The following CFAP99 variants were observed in gnomAD, a reference collection of about 807,000 sequenced individuals.
The protein encoded by CFAP99 is cilia and flagella associated protein 99.
In CFAP99, 84 loss-of-function variants were observed where a neutral mutation model predicts 82.7. The ratio of observed to expected loss-of-function variants is 1.02; its 90% CI spans 0.85 to 1.22. CFAP99 has a LOEUF of 1.22. Ranked by LOEUF, CFAP99 falls within the 50% of genes most tolerant of loss-of-function variation. The pLI, the probability that CFAP99 is intolerant of heterozygous loss-of-function variation, is 0.00. For missense variants in CFAP99, 1,059 were observed against 983.5 expected (o/e 1.08, Z -1.03); for synonymous variants, 456 against 429.5 (o/e 1.06, Z -0.76).
chr4:2,449,645 G>C, intron 6 of CFAP99, 25 bp from the exon 7 acceptor site: 2 of 1,534,984 alleles, frequency 1.3e-6, no homozygotes, highest in Non-Finnish European at 1.7e-6. Flanking sequence ...CTGACCATAG[G>C]CTCTTCCTCC....
In CFAP99 at chr4:2,438,173, C is replaced by T. The variant is rs7660914; in HGVS notation, c.351+9C>T. On this transcript the variant is annotated intron_variant, in intron 4 of 14. Transcript: ENST00000635017. ...TGGATAAGATGTGCAAGGTGAGCCA[C>T]CCCTACCTGCCCACCAGGCCACGAG... is the stretch of plus-strand genomic sequence containing the variant. 6.6e-7 allele frequency: 1 copy of T among 1,515,606 alleles called. No homozygotes were observed. The allele number at this position is 1,515,606 out of a possible 1,614,324, so 93.9% of individuals were successfully genotyped here.
Position 2,462,676 on chromosome 4 carries a change from G to A in CFAP99, c.1895G>A (p.Arg632His). Reference sequence around the variant, plus strand: ...GCCGGGTGGGGATGGCGGGCGCGGCGCGCAGGGACCGGCGTCCCGGGGCGG... The same window carrying A: ...GCCGGGTGGGGATGGCGGGCGCGGCACGCAGGGACCGGCGTCCCGGGGCGG... Residue 632 changes from arginine (R) to histidine (H), a missense_variant, in exon 15 of 15, where the codon CGC (arginine) becomes CAC (histidine). Physicochemically the swap from Arg to His is conservative, Grantham distance 29. Transcript: ENST00000635017. The surrounding 1 kb of genome is among the most constrained non-coding windows in gnomAD (Gnocchi z 4.1). The A allele has an allele frequency of 7.9e-7, 1 of 1,262,254 alleles. No homozygotes were observed. The highest frequency in any genetic ancestry group is 9.9e-7 in the Non-Finnish European group (1 of 1,005,142). 78.2% of individuals were successfully genotyped at this position (1,262,254 alleles called of 1,614,324 possible).
intron 4 of CFAP99, among the ~76,000 whole-genome samples, chr4:2,441,965 G>A (rs1244317385): frequency 6.6e-6 from 1 of 152,192 alleles, no homozygotes; most frequent in African/African-American, 2.4e-5. Context: ...GGGGGCTGAT[G>A]GCCCCACAGC....
chr4:2,455,244 T>G (rs536709485), intron 11 of CFAP99, among the ~76,000 whole-genome samples: 3 of 152,390 alleles, frequency 2.0e-5, no homozygotes, highest in East Asian at 3.9e-4. Flanking sequence ...TATAATAGAT[T>G]GTTGCAGATT....
chr4:2,421,072 T>C (rs1463531124), intron 1 of CFAP99, among the ~76,000 whole-genome samples: 2 of 152,212 alleles, frequency 1.3e-5, no homozygotes, highest in East Asian at 3.8e-4. Context: ...GTAGTGGAGA[T>C]TGAAAAGCAA....
intron 11 of CFAP99, among the ~76,000 whole-genome samples, chr4:2,457,523 C>T (rs1206360452): frequency 6.6e-6 from 1 of 152,150 alleles, no homozygotes. Context: ...CTGCCCCTGG[C>T]CCCTGAGTGA....
intron 11 of CFAP99, 111 bp downstream of exon 11, chr4:2,452,457 T>G (rs973210121): frequency 8.9e-7 from 1 of 1,126,322 alleles, no homozygotes; most frequent in East Asian, 2.6e-5. Flanking sequence ...AGCGCCCCCG[T>G]AGAAGCTACT....
chr4:2,428,626 G>GC (rs1560377502), intron 2 of CFAP99: 1 of 151,598 alleles, frequency 6.6e-6, no homozygotes, highest in African/African-American at 2.4e-5. Flanking sequence ...AGCTGACCCC[G>GC]CCCCCAGCTC....
Position 2,431,970 on chromosome 4 carries a change from G to A in CFAP99, c.112-4904G>A, listed in dbSNP as rs116579329. On this transcript the variant is annotated intron_variant, in intron 2 of 14. Transcript: ENST00000635017. ...TATTTCACTTTGAACCATCTGTTCGGACCGGTGTCTGTTAGGAAACTGTGT... is the reference window on the plus strand; with the variant it reads ...TATTTCACTTTGAACCATCTGTTCGAACCGGTGTCTGTTAGGAAACTGTGT... Among the ~76,000 whole-genome samples, 795 of 152,274 alleles carry A rather than the reference G, an allele frequency of 5.2e-3. 6 individuals carry two copies. The highest frequency in any genetic ancestry group is 0.018 in the African/African-American group (758 of 41,554).
At chr4:2,441,512 T>G (rs1051494990) in intron 4 of CFAP99, among the ~76,000 whole-genome samples, 2 of 152,184 alleles carry the variant, frequency 1.3e-5, no homozygotes, top group African/African-American at 4.8e-5. Flanking sequence ...GCTCAGGGGC[T>G]GCTGCAGGGA....
At position 2,430,576 on chromosome 4, in the gene CFAP99, T is replaced by C. The variant is rs149161484; in HGVS notation, c.111+3990T>C. ...AAAATTACGCAATACGTAAACCAAA[T>C]GGCAGACTCCGGACAGCAGACTGCG... On this transcript the variant is annotated intron_variant, in intron 2 of 14. Coordinates refer to ENST00000635017, the Ensembl canonical transcript of CFAP99. Among the ~76,000 whole-genome samples the C allele has an allele frequency of 2.7e-4, 36 of 135,092 alleles. 1 individual carries two copies. In the East Asian group the frequency reaches 4.3e-3, roughly 16 times the overall value. The allele number at this position is 135,092 out of a possible 152,430, so 88.6% of individuals were successfully genotyped here.
chr4:2,462,552 C>T lies in CFAP99; in HGVS notation c.1771C>T (p.Gln591Ter), dbSNP rs1385980820. ...GGAGAGGGCGGCCGAGCGCAGCAGG[C>T]AGGCGGCCTTGCTGCACGTGTCGGC... The change falls in exon 15 of 15, where the codon CAG (glutamine) becomes TAG (stop). Residue 591 changes from glutamine to a stop codon, truncating the protein, a stop_gained. Coordinates refer to ENST00000635017, the Ensembl canonical transcript of CFAP99. LOFTEE classifies it low-confidence loss of function (END_TRUNC). This position sits in a 1 kb window ranked among gnomAD's most constrained non-coding sequence, Gnocchi z 4.1. 48 of 1,464,048 alleles carry T rather than the reference C, an allele frequency of 3.3e-5. No individual in the cohort carries two copies. The highest frequency in any genetic ancestry group is 4.1e-5 in the Non-Finnish European group (46 of 1,114,684). 90.7% of individuals were successfully genotyped at this position (1,464,048 alleles called of 1,614,324 possible).
At chr4:2,444,145 T>C (rs1734110476) in intron 5 of CFAP99, among the ~76,000 whole-genome samples, 1 of 152,012 alleles carries the variant, frequency 6.6e-6, no homozygotes, top group South Asian at 2.1e-4. Flanking sequence ...CTCCTGGCAA[T>C]CAAGATAAAC....
At chr4:2,424,937 CTT>C (rs1164674108) in intron 1 of CFAP99, among the ~76,000 whole-genome samples, 1 of 152,210 alleles carries the variant, frequency 6.6e-6, no homozygotes, top group Admixed American at 6.5e-5. Context: ...ATTTCTCTCT[CTT>C]GTCTCTCTGG....
chr4:2,427,765 T>G (rs919937826), intron 2 of CFAP99: 1 of 152,380 alleles, frequency 6.6e-6, no homozygotes, highest in Non-Finnish European at 1.5e-5. Flanking sequence ...GGGTTCATCC[T>G]TCATTAGCTA....
At chr4:2,435,308 A>C (rs1733884401) in intron 2 of CFAP99, among the ~76,000 whole-genome samples, 1 of 151,680 alleles carries the variant, frequency 6.6e-6, no homozygotes, top group African/African-American at 2.4e-5. Flanking sequence ...GAAAAAAAAA[A>C]AAAAAAAGCA....
chr4:2,431,961 A>C (rs1733810454), intron 2 of CFAP99, among the ~76,000 whole-genome samples: 2 of 152,244 alleles, frequency 1.3e-5, no homozygotes, highest in African/African-American at 2.4e-5. Flanking sequence ...ACTTTGAACC[A>C]TCTGTTCGGA....
At position 2,421,350 on chromosome 4, in the gene CFAP99, C is replaced by CTTTTT. The variant is rs10632358; in HGVS notation, c.-18+2275_-18+2279dup. ...AAAGAGAAGCTTTAGTCTGCCCACC[C>CTTTTT]TTTTTTTTTTTTTTTTTTTTTTGAG... On this transcript the variant is annotated intron_variant, in intron 1 of 14. Transcript: ENST00000635017. Among the ~76,000 whole-genome samples the CTTTTT allele has an allele frequency of 8.7e-3, 846 of 96,884 alleles. 15 individuals are homozygous for CTTTTT. The highest frequency in any genetic ancestry group is 0.02 in the East Asian group (52 of 2,596). 63.6% of individuals were successfully genotyped at this position (96,884 alleles called of 152,430 possible).
rs1734178144 is a variant in CFAP99, at chr4:2,446,878, G to C, written c.642+1570G>C. 6.6e-6 allele frequency among the ~76,000 whole-genome samples: 1 copy of C among 150,924 alleles called. No homozygotes were observed. Among genetic ancestry groups the C allele is most frequent in the African/African-American group, 2.4e-5 (1 of 41,084 alleles). ...ATGGATAGATGGATGATTGGATGGA[G>C]GAATGAATGGGTGGATGAATGATCA... On this transcript the variant is annotated intron_variant, in intron 6 of 14. Transcript: ENST00000635017. The surrounding 1 kb of genome is among the most constrained non-coding windows in gnomAD (Gnocchi z 5.0).
Sources: allele counts gnomAD v4.1 joint callset (sites outside exome capture counted in the v4.1 genomes callset), GRCh38; gene constraint gnomAD v4.1.1; non-coding constraint Gnocchi (gnomAD v3.1); transcripts MANE v1.5; gene names NCBI Gene and HGNC (gene_info 2026-07-23, HGNC 2026-07-21).